CD33: variants seen among roughly 807,000 people sequenced by gnomAD.
The protein encoded by CD33 is CD33 molecule.
A neutral mutation model predicts 31.4 loss-of-function variants in CD33; 25 were observed. The observed-to-expected ratio is 0.80, with a 90% confidence interval of 0.58 to 1.11. The LOEUF is 1.11. CD33 is among the 50% of genes most tolerant of loss of function. The pLI, the probability that CD33 is intolerant of heterozygous loss-of-function variation, is 0.00. For missense variants in CD33, 407 were observed against 448.1 expected (o/e 0.91, Z 0.83); for synonymous variants, 176 against 180.6 (o/e 0.97, Z 0.20).
chr19:51,212,672 C>T, the CD33 span, among the ~76,000 whole-genome samples: 179 of 152,300 alleles, frequency 1.2e-3, no homozygotes, highest in African/African-American at 3.8e-3. Flanking sequence ...CTATTTCCCC[C>T]TGTAGTTCAG....
the CD33 span, chr19:51,211,117 G>A: frequency 6.3e-7 from 1 of 1,590,060 alleles, no homozygotes. Context: ...ACATGCCACT[G>A]CTGCTACTGC....
chr19:51,227,747 C>G (rs1308632720), intron 4 of CD33, among the ~76,000 whole-genome samples: 1 of 152,012 alleles, frequency 6.6e-6, no homozygotes, highest in East Asian at 1.9e-4. Context: ...TTTACTTTTG[C>G]TTTTGTTGCT....
chr19:51,235,289 G>A (rs747677235), intron 5 of CD33, 36 bp downstream of exon 5: 19 of 1,578,006 alleles, frequency 1.2e-5, no homozygotes, highest in South Asian at 4.4e-5. Flanking sequence ...TGGGCCAGAG[G>A]TGAAGAGGAT....
chr19:51,214,402 T>C, the CD33 span, among the ~76,000 whole-genome samples: 1 of 151,692 alleles, frequency 6.6e-6, no homozygotes, highest in Non-Finnish European at 1.5e-5. Context: ...TTCACCATGT[T>C]GGTCAGGCTG....
At chr19:51,236,519 AG>A (rs1206444740) in intron 6 of CD33, 2 of 152,970 alleles carry the variant, frequency 1.3e-5, no homozygotes, top group Non-Finnish European at 2.9e-5. Context: ...TGCACATGAA[AG>A]GTGCACTTGT....
chr19:51,216,630 C>A, the CD33 span, among the ~76,000 whole-genome samples: 1 of 150,620 alleles, frequency 6.6e-6, no homozygotes, highest in East Asian at 1.9e-4. Flanking sequence ...ATTGCTTGAA[C>A]CTGGGAGGCA....
the CD33 span, among the ~76,000 whole-genome samples, chr19:51,218,369 G>T: frequency 2.0e-5 from 3 of 151,920 alleles, no homozygotes; most frequent in African/African-American, 7.3e-5. Flanking sequence ...CTATTTAATG[G>T]GATTTTTTGT....
At chr19:51,235,570 C>G in intron 5 of CD33, 25 bp from the exon 6 acceptor site, 1 of 1,606,026 alleles carries the variant, frequency 6.2e-7, no homozygotes, top group Non-Finnish European at 8.5e-7. Context: ...AAACCAGGCT[C>G]AAAGACCCTG....
At chr19:51,235,497 C>T (rs1012627769) in intron 5 of CD33, 98 bp from the exon 6 acceptor site, 1 of 1,484,310 alleles carries the variant, frequency 6.7e-7, no homozygotes, top group Non-Finnish European at 9.0e-7. Context: ...CTGGATTAAT[C>T]CCACCCTTTA....
chr19:51,217,850 A>G, the CD33 span, among the ~76,000 whole-genome samples: 2 of 152,192 alleles, frequency 1.3e-5, no homozygotes, highest in East Asian at 3.8e-4. Context: ...AGTTCCAACC[A>G]TGTTGCTTGA....
chr19:51,223,655 A>C (rs1710398), upstream of CD33, among the ~76,000 whole-genome samples: 65,044 of 152,018 alleles, frequency 0.43, 14,671 homozygotes, highest in African/African-American at 0.54. Context: ...GCCCACACTG[A>C]ACCAAATGGC....
chr19:51,222,807 G>T (rs1980748003), upstream of CD33, among the ~76,000 whole-genome samples: 1 of 152,146 alleles, frequency 6.6e-6, no homozygotes, highest in Non-Finnish European at 1.5e-5. Context: ...CTTCAAGTAG[G>T]TGTGCTTTAT....
At chr19:51,214,344 CAT>C in the CD33 span, among the ~76,000 whole-genome samples, 2 of 151,868 alleles carry the variant, frequency 1.3e-5, no homozygotes, top group Non-Finnish European at 2.9e-5. Context: ...ATTACAGGCA[CAT>C]GCCAGCATGC....
chr19:51,226,519 A>G (rs916780910), intron 4 of CD33, among the ~76,000 whole-genome samples, 163 bp downstream of exon 4: 3 of 152,160 alleles, frequency 2.0e-5, no homozygotes, highest in Non-Finnish European at 4.4e-5. Context: ...ATGACTAGCA[A>G]CTTCCCCCTT....
At chr19:51,235,980 A>T (rs968102382) in intron 6 of CD33, 102 of 648,022 alleles carry the variant, frequency 1.6e-4, no homozygotes, top group Non-Finnish European at 2.2e-4. Flanking sequence ...AACATGGTGA[A>T]ACCCCGTCTC....
At chr19:51,234,319 C>T (rs976020420) in intron 4 of CD33, among the ~76,000 whole-genome samples, 6 of 152,148 alleles carry the variant, frequency 3.9e-5, no homozygotes, top group Admixed American at 1.3e-4. Flanking sequence ...CATTAAAGTT[C>T]ACTCTTGGTG....
Position 51,225,899 on chromosome 19 carries a change from G to A in CD33, c.515G>A (p.Gly172Glu), listed in dbSNP as rs1980979494. 1 of 1,613,858 alleles carries A rather than the reference G, an allele frequency of 6.2e-7. No individual in the cohort carries two copies. Among genetic ancestry groups the A allele is most frequent in the African/African-American group, 1.3e-5 (1 of 74,842 alleles). ...TCSVSWACEQ[G>E]TPPIFSWLSA... ...TCTGTGTCCTGGGCCTGTGAGCAGG[G>A]AACACCCCCGATCTTCTCCTGGTTG... The change falls in exon 3 of 7, where the codon GGA becomes GAA. Residue 172 changes from glycine (G) to glutamate (E), a missense_variant. By Grantham distance (98) the Gly-to-Glu change is moderately conservative. Transcript: ENST00000262262.
intron 3 of CD33, 68 bp downstream of exon 3, chr19:51,226,149 G>A: frequency 6.4e-7 from 1 of 1,573,558 alleles, no homozygotes; most frequent in East Asian, 2.3e-5. Flanking sequence ...TGGTGCTGGG[G>A]ACATTTAGTG....
chr19:51,215,818 G>A, the CD33 span, among the ~76,000 whole-genome samples: 34 of 152,006 alleles, frequency 2.2e-4, no homozygotes, highest in East Asian at 9.7e-4. Flanking sequence ...CCTTTTCTCC[G>A]TCCTGACCTT....
Sources: gnomAD v4.1 joint callset for allele counts (sites outside exome capture counted in the v4.1 genomes callset) on GRCh38, gnomAD v4.1.1 for gene constraint, MANE v1.5 for transcripts, NCBI Gene and HGNC (gene_info 2026-07-23, HGNC 2026-07-21) for gene names.